NT5DC2: variants seen among roughly 807,000 people sequenced by gnomAD.
The protein encoded by NT5DC2 is 5'-nucleotidase domain containing 2.
Under a neutral mutation model 70.0 loss-of-function variants are expected in NT5DC2, and 41 were observed. That is an observed-to-expected ratio of 0.59 (90% CI 0.46 to 0.76). NT5DC2 has a LOEUF of 0.76. NT5DC2 is among the 30% of genes least tolerant of loss of function. The pLI is 0.00. For synonymous variants in NT5DC2, 299 were observed against 310.4 expected, an observed-to-expected ratio of 0.96 and a Z score of 0.39; for missense variants, 705 against 783.2, an observed-to-expected ratio of 0.90 and a Z score of 1.19.
At chr3:52,532,239 C>T (rs2079371507) in intron 1 of NT5DC2, 20 of 985,338 alleles carry the variant, frequency 2.0e-5, no homozygotes, top group Non-Finnish European at 2.2e-5. Flanking sequence ...TCCAAAGATG[C>T]AGGCAGGCCC....
chr3:52,527,276 T>G lies in NT5DC2; in HGVS notation c.1119+18A>C. ...CCCATGCCCCCACCACATGCTGCTC[T>G]CCCCAGATGGCCCTTACCTGCCGAT... On this transcript the variant is annotated intron_variant, in intron 10 of 13. Transcript: ENST00000422318. The G allele has an allele frequency of 6.2e-7, 1 of 1,612,858 alleles. No homozygotes were observed. Among genetic ancestry groups the G allele is most frequent in the Non-Finnish European group, 8.5e-7 (1 of 1,179,076 alleles).
rs779322062 is a variant in NT5DC2 at position 52,525,210 on chromosome 3, G to A, written c.1205C>T (p.Ala402Val). ...GCAGCCCAGCCCTGCCTCCCTCACC[G>A]CCAGATCACTATAGAGGTGGTCCCC... ...YFGDHLYSDL[A>V]DLMLRHGWRT... is the part of the protein sequence containing the mutation. Residue 402 changes from alanine (A) to valine (V), a missense_variant and splice_region_variant, in exon 11 of 14, where the codon GCG becomes GTG. Physicochemically the swap from Ala to Val is moderately conservative, Grantham distance 64. Coordinates refer to ENST00000422318, the MANE Select transcript of NT5DC2 (RefSeq NM_001134231.2). The A allele has an allele frequency of 6.2e-6, 10 of 1,610,730 alleles. No homozygotes were observed. Among genetic ancestry groups the A allele is most frequent in the East Asian group, 4.5e-5 (2 of 44,824 alleles).
chr3:52,534,690 A>C (rs764982411), upstream of NT5DC2: 1 of 1,578,534 alleles, frequency 6.3e-7, no homozygotes, highest in South Asian at 1.2e-5. Flanking sequence ...GCCCGCACGC[A>C]TACCAGGCTG....
In NT5DC2 at chr3:52,524,431, G is replaced by C; in HGVS notation, c.*39C>G. The stretch of plus-strand genomic sequence containing the variant: ...ATTGCTTGTCTGGGTGGATGGGGCA[G>C]GAGGGGCTGAGGGCCTGTCCCAGAC... On this transcript the variant is annotated 3_prime_UTR_variant, in exon 14 of 14. Coordinates refer to ENST00000422318, the MANE Select transcript of NT5DC2 (RefSeq NM_001134231.2). The C allele has an allele frequency of 6.2e-7, 1 of 1,612,126 alleles. No homozygotes were observed. The highest frequency in any genetic ancestry group is 8.5e-7 in the Non-Finnish European group (1 of 1,179,300).
chr3:52,527,948 G>A lies in NT5DC2; in HGVS notation c.833-17C>T, dbSNP rs375582198. ...TGTACTTCTCTAATGGGGCAGATGA[G>A]TCTGTGAGGGTCAGTCCTGCCACCT... On this transcript the variant is annotated splice_polypyrimidine_tract_variant and intron_variant, in intron 7 of 13. Transcript: ENST00000422318. 8.4e-5 allele frequency: 136 copies of A among 1,613,314 alleles called. 1 individual carries two copies. The highest frequency in any genetic ancestry group is 4.9e-4 in the Middle Eastern group (3 of 6,084).
chr3:52,533,311 G>A (rs1007008854), intron 1 of NT5DC2, among the ~76,000 whole-genome samples, 195 bp downstream of exon 1: 1 of 151,518 alleles, frequency 6.6e-6, no homozygotes, highest in Non-Finnish European at 1.5e-5. Flanking sequence ...GCCCGCCCCC[G>A]GGCGTCGGGG....
At position 52,528,842 on chromosome 3, in the gene NT5DC2, T is replaced by A; in HGVS notation, c.492+19A>T. 1 of 1,613,178 alleles carries A rather than the reference T, an allele frequency of 6.2e-7. No individual in the cohort carries two copies. Among genetic ancestry groups the A allele is most frequent in the African/African-American group, 1.3e-5 (1 of 74,984 alleles). ...GAGGAGGCCAAGGAGGGAGCCCCTA[T>A]ACAGGTCCAGCCACTCACCTTCTGA... is the stretch of plus-strand genomic sequence containing the variant. On this transcript the variant is annotated intron_variant, in intron 3 of 13. Transcript: ENST00000422318.
intron 10 of NT5DC2, chr3:52,525,717 A>AAGAT (rs1362356609): frequency 5.6e-6 from 1 of 179,962 alleles, no homozygotes; most frequent in East Asian, 1.7e-4. Context: ...GAGCCAGAGA[A>AAGAT]AGATGGAGAC....
Position 52,529,233 on chromosome 3 carries a change from C to T in NT5DC2, c.334G>A (p.Asp112Asn), listed in dbSNP as rs770798468. The change falls in exon 2 of 14, where the codon GAC becomes AAC. Residue 112 changes from aspartate to asparagine, a missense_variant. Transcript: ENST00000422318. This position sits in a 1 kb window ranked among gnomAD's most constrained non-coding sequence, Gnocchi z 4.1. ...RDVEVYGFDY[D>N]YTLAQYADAL... ...TCTGCATACTGGGCCAGGGTGTAGT[C>T]GTAGTCAAAGCCGTAGACCTCAACG... 6.2e-7 allele frequency: 1 copy of T among 1,613,890 alleles called. No individual in the cohort carries two copies.
rs1450042887 is a variant in NT5DC2, at chr3:52,533,491, C to T, written c.232+15G>A. ...GGAAGACACCCCGGCGCACGTCCCG[C>T]CCCGGCTCACCCACCGTGCACCAGT... On this transcript the variant is annotated intron_variant, in intron 1 of 13. Transcript: ENST00000422318. 6.7e-7 allele frequency: 1 copy of T among 1,495,780 alleles called. No homozygotes were observed. The highest frequency in any genetic ancestry group is 2.1e-5 in the Admixed American group (1 of 47,030). 92.7% of individuals were successfully genotyped at this position (1,495,780 alleles called of 1,614,324 possible).
In NT5DC2 at chr3:52,531,587, G is replaced by A. The variant is rs2153242376; in HGVS notation, c.232+1919C>T. The stretch of plus-strand genomic sequence containing the variant: ...AGCAGGATGTGGAAACAGCCACAGG[G>A]CCTGGTGGCCTGGCCTGATTTCTAG... On this transcript the variant is annotated intron_variant, in intron 1 of 13. Transcript: ENST00000422318. This position sits in a 1 kb window ranked among gnomAD's most constrained non-coding sequence, Gnocchi z 4.1. Among the ~76,000 whole-genome samples, 1 of 151,484 alleles carries A rather than the reference G, an allele frequency of 6.6e-6. No individual in the cohort carries two copies. Among genetic ancestry groups the A allele is most frequent in the South Asian group, 2.1e-4 (1 of 4,792 alleles).
chr3:52,528,919 C>T lies in NT5DC2; in HGVS notation c.434G>A (p.Arg145Gln), dbSNP rs774970480. 45 of 1,613,912 alleles carry T rather than the reference C, an allele frequency of 2.8e-5. 1 individual carries two copies. The highest frequency in any genetic ancestry group is 2.6e-4 in the South Asian group (24 of 91,090). ...IEHYKYPEGI[R>Q]KYDYNPSFAI... ...AAAGCTGGGGTTGTAGTCATACTTC[C>T]GAATCCCTTCTGGGTACTGCCGGGG... The change falls in exon 3 of 14, where the codon CGG becomes CAG. Residue 145 changes from arginine to glutamine, a missense_variant. Physicochemically the swap from Arg to Gln is conservative, Grantham distance 43 (BLOSUM62 1). Coordinates refer to ENST00000422318, the MANE Select transcript of NT5DC2 (RefSeq NM_001134231.2).
intron 1 of NT5DC2, chr3:52,532,586 G>T (rs868421939): frequency 1.2e-6 from 1 of 849,140 alleles, no homozygotes; most frequent in Non-Finnish European, 1.4e-6. Context: ...CAAAAGCCAC[G>T]TCACCCCTGG....
At chr3:52,533,909 G>T, upstream of NT5DC2, 1 of 882,480 alleles carries the variant, frequency 1.1e-6, no homozygotes, top group Non-Finnish European at 1.4e-6. Flanking sequence ...CTCGGCCCGG[G>T]GGGCGGGAGG....
intron 6 of NT5DC2, 41 bp from the exon 7 acceptor site, chr3:52,528,114 G>A (rs1559738349): frequency 1.2e-6 from 2 of 1,612,888 alleles, no homozygotes; most frequent in Non-Finnish European, 1.7e-6. Flanking sequence ...GCAGGGCCCA[G>A]GTGGGGCTGT....
rs749388964 is a variant in NT5DC2 at position 52,524,854 on chromosome 3, C to A, written c.1375G>T (p.Val459Leu). 6.8e-5 allele frequency: 110 copies of A among 1,612,248 alleles called. No homozygotes were observed. Among genetic ancestry groups the A allele is most frequent in the Non-Finnish European group, 9.1e-5 (107 of 1,179,784 alleles). ...CGCTCTTTCATCCAGGCAGCCAGCA[C>A]CTGCCTCGACTCCGCGTCCTGATAG... ...QTYQDAESRQ[V>L]LAAWMKERQE... The change falls in exon 13 of 14, where the codon GTG becomes TTG. Residue 459 changes from valine (V) to leucine (L), a missense_variant. Coordinates refer to ENST00000422318, the MANE Select transcript of NT5DC2 (RefSeq NM_001134231.2).
Position 52,525,096 on chromosome 3 carries a change from A to G in NT5DC2, c.1214T>C (p.Met405Thr). 7.4e-7 allele frequency: 1 copy of G among 1,355,942 alleles called. No homozygotes were observed. The highest frequency in any genetic ancestry group is 1.2e-5 in the South Asian group (1 of 84,234). 84.0% of individuals were successfully genotyped at this position (1,355,942 alleles called of 1,614,324 possible). A position where few individuals can be genotyped will look rare whatever the true frequency, so the allele number is the denominator to read the frequency against. ...DHLYSDLADL[M>T]LRHGWRTGAI... ...GCCTGTGCGCCAGCCGTGCCGCAGCATGAGATCCTGGTGGGTGGGGCGGCA... is the reference window on the plus strand; with the variant it reads ...GCCTGTGCGCCAGCCGTGCCGCAGCGTGAGATCCTGGTGGGTGGGGCGGCA... The change falls in exon 12 of 14, where the codon ATG becomes ACG. Residue 405 changes from methionine to threonine, a missense_variant. Coordinates refer to ENST00000422318, the MANE Select transcript of NT5DC2 (RefSeq NM_001134231.2).
chr3:52,532,514 T>G, intron 1 of NT5DC2: 1 of 984,942 alleles, frequency 1.0e-6, no homozygotes, highest in Non-Finnish European at 1.2e-6. Context: ...AAAGCCGGAG[T>G]GAAAACCCCT....
At position 52,524,567 on chromosome 3, in the gene NT5DC2, C is replaced by T. The variant is rs1319948229; in HGVS notation, c.1577G>A (p.Arg526His). The part of the protein sequence containing the change: ...YRVDFTFYPR[R>H]TPLQHEAPLW... ...GGGTGCCTCGTGCTGCAGCGGCGTA[C>T]GGCGTGGGTAGAAGGTGAAGTCCAC... The change falls in exon 14 of 14, where the codon CGT becomes CAT. Residue 526 changes from arginine to histidine, a missense_variant. Transcript: ENST00000422318. 2.2e-5 allele frequency: 35 copies of T among 1,612,956 alleles called. No homozygotes were observed. Among genetic ancestry groups the T allele is most frequent in the Admixed American group, 5.0e-5 (3 of 59,988 alleles).
Sources: gnomAD v4.1 joint callset for allele counts (sites outside exome capture counted in the v4.1 genomes callset) on GRCh38, gnomAD v4.1.1 for gene constraint, Gnocchi (gnomAD v3.1) non-coding constraint, MANE v1.5 for transcripts, NCBI Gene and HGNC (gene_info 2026-07-23, HGNC 2026-07-21) for gene names.